Variants in ME3 observed in about 807,000 individuals in gnomAD.
The protein encoded by ME3 is NADP-dependent malic enzyme, mitochondrial.
In ME3, 48 loss-of-function variants were observed where a neutral mutation model predicts 68.9. The observed-to-expected ratio is 0.70, with a 90% confidence interval of 0.55 to 0.89. The LOEUF is 0.89. ME3 is among the 40% of genes least tolerant of loss of function. The pLI, the probability that ME3 is intolerant of heterozygous loss-of-function variation, is 0.00. For synonymous variants in ME3, 320 were observed against 318.8 expected (o/e 1.00, Z -0.04); for missense variants, 675 against 797.4 (o/e 0.85, Z 1.85).
intron 8 of ME3, chr11:86,457,824 T>C: frequency 4.0e-6 from 5 of 1,250,448 alleles, no homozygotes; most frequent in Non-Finnish European, 5.2e-6. Flanking sequence ...TTACATTTCC[T>C]GCAAACTGAG....
At chr11:86,442,099 A>G (rs779997631) in intron 14 of ME3, among the ~76,000 whole-genome samples, 4 of 152,244 alleles carry the variant, frequency 2.6e-5, no homozygotes, top group Non-Finnish European at 5.9e-5. Context: ...GCATACTAAT[A>G]GAAATAATAG....
At chr11:86,463,077 G>A (rs974397806) in intron 8 of ME3, among the ~76,000 whole-genome samples, 10 of 152,204 alleles carry the variant, frequency 6.6e-5, no homozygotes, top group African/African-American at 2.2e-4. Flanking sequence ...GGGTGGCATA[G>A]TGAGTGATAG....
intron 4 of ME3, among the ~76,000 whole-genome samples, chr11:86,545,630 G>A (rs1956316489): frequency 6.6e-6 from 1 of 152,174 alleles, no homozygotes; most frequent in Middle Eastern, 3.4e-3. Flanking sequence ...CCCATTCAAG[G>A]GGAACTAAAA....
exon 4 of ME3, chr11:86,556,648 C>G: frequency 6.2e-7 from 1 of 1,614,136 alleles, no homozygotes; most frequent in Middle Eastern, 1.6e-4. Context: ...CCGAAGTCAG[C>G]ACTCGGTAGA....
chr11:86,657,929 G>A (rs1353948410), intron 2 of ME3, among the ~76,000 whole-genome samples: 1 of 152,116 alleles, frequency 6.6e-6, no homozygotes. Context: ...ATTCAGGGAT[G>A]CAAGTAAAGA....
intron 2 of ME3, among the ~76,000 whole-genome samples, chr11:86,626,066 G>A (rs894575485): frequency 6.6e-6 from 1 of 152,196 alleles, no homozygotes; most frequent in Non-Finnish European, 1.5e-5. Flanking sequence ...AGATATGACA[G>A]AGGGGACTGA....
At chr11:86,446,754 G>C in intron 12 of ME3, 1 of 594,548 alleles carries the variant, frequency 1.7e-6, no homozygotes, top group South Asian at 2.2e-5. Flanking sequence ...GGCCAACCCA[G>C]GACATGACAG....
chr11:86,564,067 C>CCAAT (rs1296750476), intron 2 of ME3, among the ~76,000 whole-genome samples: 2 of 152,124 alleles, frequency 1.3e-5, no homozygotes, highest in Admixed American at 1.3e-4. Context: ...ATTGATTCTT[C>CCAAT]CAATCCATTA....
chr11:86,642,794 G>A (rs550093192), intron 2 of ME3, among the ~76,000 whole-genome samples: 3 of 152,080 alleles, frequency 2.0e-5, no homozygotes, highest in Admixed American at 1.3e-4. Flanking sequence ...TTCATGTTTT[G>A]AAAAATCCTG....
At chr11:86,489,299 A>G (rs1432393720) in intron 6 of ME3, 2 of 152,150 alleles carry the variant, frequency 1.3e-5, no homozygotes, top group Admixed American at 1.3e-4. Context: ...GGGCCTCTTG[A>G]AGGCTTCTTC....
intron 2 of ME3, among the ~76,000 whole-genome samples, chr11:86,583,869 A>G (rs1958580277): frequency 6.6e-6 from 1 of 152,212 alleles, no homozygotes; most frequent in Non-Finnish European, 1.5e-5. Flanking sequence ...CTCCTAGAAG[A>G]AAACATAGGG....
In ME3 at chr11:86,593,453, T is replaced by A. The variant is rs1409984889; in HGVS notation, c.184-33630A>T. Among the ~76,000 whole-genome samples, 7 of 146,656 alleles carry A rather than the reference T, an allele frequency of 4.8e-5. 1 individual carries two copies. Among genetic ancestry groups the A allele is most frequent in the Middle Eastern group, 7.1e-3 (2 of 280 alleles). On this transcript the variant is annotated intron_variant, in intron 2 of 14. Coordinates refer to ENST00000543262, the Ensembl canonical transcript of ME3. ...TTTAATATTTCGTAAAACAATACTT[T>A]CACATATATCATATGAGCCCCACAA...
At chr11:86,525,060 C>T (rs1954630738) in intron 4 of ME3, among the ~76,000 whole-genome samples, 1 of 152,130 alleles carries the variant, frequency 6.6e-6, no homozygotes, top group Non-Finnish European at 1.5e-5. Flanking sequence ...AGACCCACTC[C>T]AACTTGCAAA....
chr11:86,630,620 G>T (rs934406816), intron 2 of ME3, among the ~76,000 whole-genome samples: 3 of 152,230 alleles, frequency 2.0e-5, no homozygotes, highest in African/African-American at 4.8e-5. Context: ...AATGCCAAGA[G>T]AAATCAAAAG....
At chr11:86,549,925 A>G (rs1483538363) in intron 4 of ME3, among the ~76,000 whole-genome samples, 2 of 152,226 alleles carry the variant, frequency 1.3e-5, no homozygotes, top group Non-Finnish European at 2.9e-5. Context: ...TCAACCTTCA[A>G]GAGTACTTCC....
intron 8 of ME3, among the ~76,000 whole-genome samples, chr11:86,459,166 G>GGACC (rs1441098884): frequency 1.3e-5 from 2 of 152,166 alleles, no homozygotes; most frequent in African/African-American, 4.8e-5. Context: ...CTAGGCAGAG[G>GGACC]GACCAGCACA....
chr11:86,448,574 A>T (rs1949453668), intron 10 of ME3, among the ~76,000 whole-genome samples: 1 of 152,288 alleles, frequency 6.6e-6, no homozygotes, highest in South Asian at 2.1e-4. Context: ...GCAATGCCTG[A>T]GTCTCACCAA....
At chr11:86,670,905 G>C (rs1238103866) in intron 2 of ME3, among the ~76,000 whole-genome samples, 3 of 152,148 alleles carry the variant, frequency 2.0e-5, no homozygotes, top group Non-Finnish European at 4.4e-5. Flanking sequence ...TTTTAGGCTG[G>C]AGAAAGTTGG....
chr11:86,456,704 C>G (rs1949956310), intron 8 of ME3, among the ~76,000 whole-genome samples: 1 of 152,232 alleles, frequency 6.6e-6, no homozygotes, highest in South Asian at 2.1e-4. Flanking sequence ...CAACATTCAG[C>G]TGTACCTCTG....
Sources: gnomAD v4.1 joint callset for allele counts (sites outside exome capture counted in the v4.1 genomes callset) on GRCh38, gnomAD v4.1.1 for gene constraint, MANE v1.5 for transcripts, NCBI Gene and HGNC (gene_info 2026-07-23, HGNC 2026-07-21) for gene names.